The following SLC35F3 variants were observed in gnomAD, a reference collection of about 807,000 sequenced individuals.
SLC35F3 encodes putative thiamine transporter SLC35F3.
SLC35F3 carries 25 observed loss-of-function variants against 49.9 expected under a neutral mutation model. The observed-to-expected ratio is 0.50, with a 90% CI of 0.37 to 0.70. The LOEUF is 0.70. SLC35F3 is among the 30% of genes least tolerant of loss of function. The probability of loss-of-function intolerance (pLI) is 0.00; values close to 1 mark genes in which losing one functional copy is unlikely to be tolerated. For missense variants in SLC35F3, 525 were observed against 639.8 expected, an observed-to-expected ratio of 0.82 and a Z score of 1.94; for synonymous variants, 275 against 265.4, an observed-to-expected ratio of 1.04 and a Z score of -0.35.
intron 2 of SLC35F3, among the ~76,000 whole-genome samples, chr1:234,222,224 A>G (rs1212017234): frequency 2.6e-5 from 4 of 152,180 alleles, no homozygotes; most frequent in Non-Finnish European, 5.9e-5. Context: ...GGCTGGTCTC[A>G]GTCCCTGTGT....
intron 2 of SLC35F3, among the ~76,000 whole-genome samples, chr1:234,100,081 A>G (rs947391949): frequency 6.6e-6 from 1 of 152,246 alleles, no homozygotes; most frequent in Non-Finnish European, 1.5e-5. Context: ...TTAATTCTTA[A>G]TCAAGTATAT....
At position 234,084,297 on chromosome 1, in the gene SLC35F3, A is replaced by G. The variant is rs114967572; in HGVS notation, c.284-147120A>G. On this transcript the variant is annotated intron_variant, in intron 2 of 7. Coordinates refer to ENST00000366618, the MANE Select transcript of SLC35F3 (RefSeq NM_173508.4). ...GGCAAGTTATTTACAAATAGTTTTT[A>G]TCTTGGAGATATTATATGTGCCTGT... Among the ~76,000 whole-genome samples, 930 of 152,060 alleles carry G rather than the reference A, an allele frequency of 6.1e-3. 9 individuals are homozygous for G. The highest frequency in any genetic ancestry group is 0.021 in the African/African-American group (869 of 41,474).
At chr1:234,279,761 G>A (rs765268463) in intron 3 of SLC35F3, among the ~76,000 whole-genome samples, 9 of 152,196 alleles carry the variant, frequency 5.9e-5, no homozygotes, top group Non-Finnish European at 1.0e-4. Flanking sequence ...TATGGCCAAA[G>A]CCTGCCTCAC....
At chr1:234,269,822 C>T (rs997150795) in intron 3 of SLC35F3, among the ~76,000 whole-genome samples, 1 of 152,168 alleles carries the variant, frequency 6.6e-6, no homozygotes, top group Admixed American at 6.5e-5. Context: ...ATGGCTGGCA[C>T]CCCAACCTTC....
chr1:234,177,194 A>G lies in SLC35F3; in HGVS notation c.284-54223A>G, dbSNP rs181766455. Among the ~76,000 whole-genome samples the G allele has an allele frequency of 1.8e-3, 268 of 152,312 alleles. 1 individual carries two copies. The highest frequency in any genetic ancestry group is 5.6e-3 in the Admixed American group (86 of 15,304). Reference sequence around the variant, plus strand: ...GCTCTCTCTTTGCCTGCTGCCATCCATGTAAGATGTGACTTGCTCCTCCTT... The same window carrying G: ...GCTCTCTCTTTGCCTGCTGCCATCCGTGTAAGATGTGACTTGCTCCTCCTT... On this transcript the variant is annotated intron_variant, in intron 2 of 7. Coordinates refer to ENST00000366618, the MANE Select transcript of SLC35F3 (RefSeq NM_173508.4).
chr1:233,911,864 G>C (rs1661879871), intron 2 of SLC35F3, among the ~76,000 whole-genome samples: 2 of 152,084 alleles, frequency 1.3e-5, no homozygotes, highest in Non-Finnish European at 2.9e-5. Flanking sequence ...AGGGAGACGT[G>C]GGCAAGGAGA....
chr1:234,006,605 G>T (rs957728516), intron 2 of SLC35F3, among the ~76,000 whole-genome samples: 11 of 152,136 alleles, frequency 7.2e-5, no homozygotes, highest in African/African-American at 2.7e-4. Context: ...ACTTTTCACA[G>T]GCTACACAAA....
chr1:234,281,075 A>G (rs1474674249), intron 3 of SLC35F3, among the ~76,000 whole-genome samples: 1 of 147,438 alleles, frequency 6.8e-6, no homozygotes, highest in Non-Finnish European at 1.5e-5. Context: ...TATGGGCTAA[A>G]TTGTGTCCCC....
At chr1:234,023,307 A>G (rs1024438006) in intron 2 of SLC35F3, among the ~76,000 whole-genome samples, 6 of 152,206 alleles carry the variant, frequency 3.9e-5, no homozygotes, top group Non-Finnish European at 5.9e-5. Flanking sequence ...ATCTTGCTGC[A>G]CCAGAAAGTA....
At chr1:234,157,233 A>G (rs969246781) in intron 2 of SLC35F3, among the ~76,000 whole-genome samples, 7 of 152,230 alleles carry the variant, frequency 4.6e-5, no homozygotes, top group Admixed American at 3.3e-4. Flanking sequence ...CCAAGCCATC[A>G]TCATCTCATC....
At chr1:234,118,878 T>G (rs1435163541) in intron 2 of SLC35F3, among the ~76,000 whole-genome samples, 1 of 146,324 alleles carries the variant, frequency 6.8e-6, no homozygotes, top group East Asian at 3.6e-4. Flanking sequence ...TTTTCTTTTT[T>G]TCTTTTCTTT....
At chr1:234,185,620 C>T (rs1490074582) in intron 2 of SLC35F3, among the ~76,000 whole-genome samples, 1 of 152,064 alleles carries the variant, frequency 6.6e-6, no homozygotes, top group Non-Finnish European at 1.5e-5. Flanking sequence ...ACTGCTCCTC[C>T]CCTGGGGCCA....
At chr1:234,268,394 A>C (rs917023649) in intron 3 of SLC35F3, among the ~76,000 whole-genome samples, 25 of 152,186 alleles carry the variant, frequency 1.6e-4, no homozygotes, top group African/African-American at 2.7e-4. Context: ...GTGAGCCGAG[A>C]TGGCAGCAGT....
intron 2 of SLC35F3, among the ~76,000 whole-genome samples, chr1:234,221,921 G>A (rs1394351473): frequency 6.6e-6 from 1 of 152,236 alleles, no homozygotes; most frequent in Non-Finnish European, 1.5e-5. Flanking sequence ...CATTAGCAGA[G>A]ATTGGCTTAT....
chr1:234,255,241 T>C (rs1667800599), intron 3 of SLC35F3, among the ~76,000 whole-genome samples: 1 of 152,052 alleles, frequency 6.6e-6, no homozygotes, highest in African/African-American at 2.4e-5. Context: ...GACAGCAAAT[T>C]AGTATATGAA....
chr1:234,211,542 T>A (rs1332453312), intron 2 of SLC35F3, among the ~76,000 whole-genome samples: 1 of 152,042 alleles, frequency 6.6e-6, no homozygotes, highest in Non-Finnish European at 1.5e-5. Context: ...AGACATGGAG[T>A]CAAAGGAGAG....
intron 2 of SLC35F3, among the ~76,000 whole-genome samples, chr1:234,220,357 G>C (rs568652493): frequency 1.9e-4 from 29 of 152,158 alleles, no homozygotes; most frequent in African/African-American, 5.3e-4. Context: ...AAGGTATAGC[G>C]AAAAATTTTT....
At chr1:234,167,405 C>A (rs1264598911) in intron 2 of SLC35F3, among the ~76,000 whole-genome samples, 2 of 152,174 alleles carry the variant, frequency 1.3e-5, no homozygotes, top group Non-Finnish European at 2.9e-5. Context: ...TCCCAGAGTG[C>A]CCAGTGGGGA....
intron 2 of SLC35F3, among the ~76,000 whole-genome samples, chr1:234,190,498 G>C (rs1302154127): frequency 6.6e-6 from 1 of 152,142 alleles, no homozygotes; most frequent in East Asian, 1.9e-4. Context: ...ATGATGAAAG[G>C]CCTTAACAGG....
Sources: gnomAD v4.1 joint callset for allele counts (sites outside exome capture counted in the v4.1 genomes callset) on GRCh38, gnomAD v4.1.1 for gene constraint, MANE v1.5 for transcripts, NCBI Gene and HGNC (gene_info 2026-07-23, HGNC 2026-07-21) for gene names.